Variants in KLHL3 observed in about 807,000 individuals in gnomAD.
The protein encoded by KLHL3 is kelch like family member 3, also known as kelch-like protein 3.
A neutral mutation model predicts 70.5 loss-of-function variants in KLHL3; 19 were observed. The observed-to-expected ratio is 0.27, with a 90% CI of 0.19 to 0.40. KLHL3 has a LOEUF of 0.40. Among genes scored for constraint, KLHL3 ranks in the 10% least tolerant of loss-of-function variants. The pLI, the probability that KLHL3 is intolerant of heterozygous loss-of-function variation, is 1.00. For missense variants in KLHL3, 512 were observed against 771.1 expected, an observed-to-expected ratio of 0.66 and a Z score of 3.98; for synonymous variants, 258 against 290.3, an observed-to-expected ratio of 0.89 and a Z score of 1.13.
intron 8 of KLHL3, among the ~76,000 whole-genome samples, chr5:137,642,200 T>G (rs549421324): frequency 6.6e-6 from 1 of 152,344 alleles, no homozygotes; most frequent in Non-Finnish European, 1.5e-5. Flanking sequence ...TTCTTTGAAA[T>G]CTGATTTCTG....
At chr5:137,727,364 G>T (rs1280469044) in intron 1 of KLHL3, among the ~76,000 whole-genome samples, 1 of 151,974 alleles carries the variant, frequency 6.6e-6, no homozygotes, top group Non-Finnish European at 1.5e-5. Context: ...CTCTTGCCAG[G>T]ATTATTATAA....
chr5:137,722,254 G>T (rs529350938), intron 1 of KLHL3, among the ~76,000 whole-genome samples: 2 of 152,150 alleles, frequency 1.3e-5, no homozygotes, highest in African/African-American at 4.8e-5. Context: ...ATTCAAATAC[G>T]ACCAGCGTGG....
At chr5:137,637,208 A>G (rs983723643) in intron 11 of KLHL3, 86 bp downstream of exon 11, 8 of 1,063,366 alleles carry the variant, frequency 7.5e-6, no homozygotes, top group African/African-American at 3.1e-5. Flanking sequence ...AAAACACGGT[A>G]GAGGAAGCAC....
At chr5:137,702,507 A>G (rs1752591517) in intron 3 of KLHL3, among the ~76,000 whole-genome samples, 1 of 152,250 alleles carries the variant, frequency 6.6e-6, no homozygotes, top group South Asian at 2.1e-4. Flanking sequence ...ACAAGGCTGT[A>G]GATGAAAGCA....
intron 3 of KLHL3, chr5:137,707,663 G>A (rs1420911282): frequency 6.5e-6 from 1 of 154,336 alleles, no homozygotes; most frequent in Non-Finnish European, 1.5e-5. Context: ...TGGATGGGTG[G>A]AAGGATGGAT....
intron 8 of KLHL3, among the ~76,000 whole-genome samples, chr5:137,642,693 C>T (rs747647847): frequency 2.0e-5 from 3 of 152,104 alleles, no homozygotes; most frequent in African/African-American, 7.2e-5. Context: ...TAAACTAGAA[C>T]GTCATTTTCT....
At chr5:137,645,195 G>A (rs577268694) in intron 8 of KLHL3, among the ~76,000 whole-genome samples, 18 of 152,168 alleles carry the variant, frequency 1.2e-4, no homozygotes, top group Admixed American at 2.0e-4. Flanking sequence ...TGACAAACCC[G>A]CAGCTAACAT....
intron 12 of KLHL3, among the ~76,000 whole-genome samples, chr5:137,630,855 C>A (rs1030681582): frequency 3.9e-5 from 6 of 152,138 alleles, no homozygotes; most frequent in African/African-American, 1.4e-4. Context: ...GAAGGGCCAA[C>A]CTGTCAGAAT....
intron 5 of KLHL3, among the ~76,000 whole-genome samples, chr5:137,680,407 T>A (rs1044213472): frequency 1.3e-5 from 2 of 152,200 alleles, no homozygotes; most frequent in African/African-American, 4.8e-5. Context: ...GGTCTCAAGA[T>A]TGTTTTGCAG....
intron 11 of KLHL3, among the ~76,000 whole-genome samples, chr5:137,635,340 T>C (rs1014041743): frequency 6.6e-6 from 1 of 152,174 alleles, no homozygotes; most frequent in Non-Finnish European, 1.5e-5. Context: ...AAAGTCAAAA[T>C]TTTTTAAAAA....
At chr5:137,622,931 T>C (rs1730167970) in intron 14 of KLHL3, among the ~76,000 whole-genome samples, 2 of 152,210 alleles carry the variant, frequency 1.3e-5, no homozygotes, top group Admixed American at 1.3e-4. Context: ...GCCTGGCAGC[T>C]AGATGTGCCA....
chr5:137,726,251 T>C (rs1753083326), intron 1 of KLHL3, among the ~76,000 whole-genome samples: 1 of 152,172 alleles, frequency 6.6e-6, no homozygotes, highest in African/African-American at 2.4e-5. Context: ...CAAAGGACTC[T>C]ATAGCTAAAA....
intron 1 of KLHL3, among the ~76,000 whole-genome samples, chr5:137,722,025 C>T (rs1753006531): frequency 6.6e-6 from 1 of 152,188 alleles, no homozygotes; most frequent in Non-Finnish European, 1.5e-5. Context: ...ACTAGGAAAA[C>T]AGAACCTTCT....
At chr5:137,640,212 C>T (rs1398918680) in intron 8 of KLHL3, among the ~76,000 whole-genome samples, 1 of 152,180 alleles carries the variant, frequency 6.6e-6, no homozygotes, top group Admixed American at 6.5e-5. Context: ...TCCCAAATGC[C>T]CCACTCGGGG....
At position 137,628,163 on chromosome 5, in the gene KLHL3, C is replaced by T. The variant is rs1750528503; in HGVS notation, c.1591+134G>A. The T allele has an allele frequency of 6.2e-6, 7 of 1,131,770 alleles. No individual in the cohort carries two copies. The Admixed American group carries it at 1.6e-4, about 25-fold the overall frequency. The allele number at this position is 1,131,770 out of a possible 1,614,324, so 70.1% of individuals were successfully genotyped here. A position where few individuals can be genotyped will look rare whatever the true frequency, so the allele number is the denominator to read the frequency against. Reference sequence around the variant, plus strand: ...CTCCTCTAATCAAGAGCCCACCTGGCAAATGCACACTCCCTGTTCAGGATA... The same window carrying T: ...CTCCTCTAATCAAGAGCCCACCTGGTAAATGCACACTCCCTGTTCAGGATA... On this transcript the variant is annotated intron_variant, in intron 13 of 14. Coordinates refer to ENST00000309755, the MANE Select transcript of KLHL3 (RefSeq NM_017415.3).
intron 4 of KLHL3, chr5:137,692,803 T>C: frequency 4.2e-6 from 1 of 235,892 alleles, no homozygotes; most frequent in Non-Finnish European, 8.2e-6. Flanking sequence ...AAACCACACT[T>C]TGAGTAACAA....
intron 2 of KLHL3, among the ~76,000 whole-genome samples, chr5:137,719,454 T>C (rs529135679): frequency 1.3e-5 from 2 of 152,306 alleles, no homozygotes; most frequent in African/African-American, 4.8e-5. Flanking sequence ...CACAACAGGA[T>C]GAAGTAGGCA....
rs577770495 is a variant in KLHL3, at chr5:137,619,710, G to A, written c.*2388C>T. 60 of 152,840 alleles carry A rather than the reference G, an allele frequency of 3.9e-4. No homozygotes were observed. The highest frequency in any genetic ancestry group is 1.4e-3 in the African/African-American group (60 of 41,572). 9.5% of individuals were successfully genotyped at this position (152,840 alleles called of 1,614,324 possible). On this transcript the variant is annotated 3_prime_UTR_variant, in exon 15 of 15. Coordinates refer to ENST00000309755, the MANE Select transcript of KLHL3 (RefSeq NM_017415.3). ...GGTCCCCGTGAAAAAGGATACATGA[G>A]GATGGAGTGCACATGGCCTTGGCAG...
intron 8 of KLHL3, among the ~76,000 whole-genome samples, chr5:137,642,727 C>T (rs910003052): frequency 2.0e-5 from 3 of 151,950 alleles, no homozygotes; most frequent in Admixed American, 2.0e-4. Context: ...GTTGGAACAC[C>T]AGGTTAAAAT....
Sources: allele counts gnomAD v4.1 joint callset (sites outside exome capture counted in the v4.1 genomes callset), GRCh38; gene constraint gnomAD v4.1.1; transcripts MANE v1.5; gene names NCBI Gene and HGNC (gene_info 2026-07-23, HGNC 2026-07-21).